IL1RAPL2: variants seen among roughly 807,000 people sequenced by gnomAD.
IL1RAPL2 encodes the protein interleukin 1 receptor accessory protein like 2.
In IL1RAPL2, 3 loss-of-function variants were observed where a neutral mutation model predicts 44.1. The ratio of observed to expected loss-of-function variants is 0.07; its 90% CI spans 0.03 to 0.18. The LOEUF (loss-of-function observed/expected upper bound fraction) is 0.18. IL1RAPL2 is among the 10% of genes least tolerant of loss of function. The probability of loss-of-function intolerance (pLI) is 1.00; values close to 1 mark genes in which losing one functional copy is unlikely to be tolerated. For missense variants in IL1RAPL2, 391 were observed against 496.4 expected (o/e 0.79, Z 2.02); for synonymous variants, 181 against 178.8 (o/e 1.01, Z -0.10).
chrX:105,040,522 T>C (rs991441279), intron 2 of IL1RAPL2, among the ~76,000 whole-genome samples: 1 of 110,786 alleles, frequency 9.0e-6, no homozygotes, highest in South Asian at 3.8e-4. Flanking sequence ...GGACTCCTTT[T>C]GGTTGGTAAG....
intron 4 of IL1RAPL2, among the ~76,000 whole-genome samples, chrX:105,255,936 T>C (rs1366072703): frequency 3.6e-5 from 4 of 112,564 alleles, no homozygotes; most frequent in Non-Finnish European, 1.9e-5. Flanking sequence ...TTTAGTTCTG[T>C]TTATGTGATG....
chrX:104,673,237 C>A (rs148576601), intron 2 of IL1RAPL2, among the ~76,000 whole-genome samples: 1 of 111,512 alleles, frequency 9.0e-6, no homozygotes, highest in Non-Finnish European at 1.9e-5. Context: ...TTAGGTCTAA[C>A]GTTTAAGTCT....
At chrX:105,670,629 T>A (rs2147852755) in intron 6 of IL1RAPL2, among the ~76,000 whole-genome samples, 1 of 108,030 alleles carries the variant, frequency 9.3e-6, no homozygotes, top group South Asian at 3.9e-4. Flanking sequence ...AAAAAAAATC[T>A]AACTGGAATG....
intron 8 of IL1RAPL2, among the ~76,000 whole-genome samples, chrX:105,741,143 A>T (rs1205941117): frequency 8.9e-6 from 1 of 112,049 alleles, no homozygotes; most frequent in Admixed American, 9.5e-5. Flanking sequence ...TTATCATAAA[A>T]ATTATAAACC....
intron 5 of IL1RAPL2, among the ~76,000 whole-genome samples, chrX:105,372,850 G>A (rs1040051001): frequency 8.9e-6 from 1 of 111,873 alleles, no homozygotes; most frequent in African/African-American, 3.2e-5. Flanking sequence ...TGATATATAT[G>A]TACCATAATA....
intron 2 of IL1RAPL2, among the ~76,000 whole-genome samples, chrX:104,961,435 A>G (rs1357407379): frequency 9.0e-6 from 1 of 111,494 alleles, no homozygotes; most frequent in Non-Finnish European, 1.9e-5. Context: ...GTGAAATGAT[A>G]TCTGTTTTTC....
intron 6 of IL1RAPL2, among the ~76,000 whole-genome samples, chrX:105,665,865 C>T (rs1220356475): frequency 1.9e-5 from 2 of 106,635 alleles, no homozygotes; most frequent in African/African-American, 3.4e-5. Flanking sequence ...TGAGTTCATG[C>T]CATTCTCCTG....
intron 10 of IL1RAPL2, among the ~76,000 whole-genome samples, chrX:105,757,776 C>T (rs1602558541): frequency 1.8e-5 from 2 of 111,534 alleles, no homozygotes; most frequent in South Asian, 3.8e-4. Flanking sequence ...TTCCGATTTG[C>T]GAGTGTAACC....
intron 3 of IL1RAPL2, among the ~76,000 whole-genome samples, chrX:105,204,540 G>A (rs782360109): frequency 9.0e-6 from 1 of 111,729 alleles, no homozygotes. Flanking sequence ...TCACTATGGC[G>A]AACCCAAGAG....
In IL1RAPL2 at chrX:104,675,671, T is replaced by G. The variant is rs1303776690; in HGVS notation, c.82+16676T>G. On this transcript the variant is annotated intron_variant, in intron 2 of 10. Transcript: ENST00000372582. ...GGTATCCTTGTTGACTTTCTGTCTC[T>G]TTGATCTGTCTAATGTTGACAGTGG... Among the ~76,000 whole-genome samples, 603 of 110,413 alleles carry G rather than the reference T, an allele frequency of 5.5e-3. 3 individuals are homozygous for G. The highest frequency in any genetic ancestry group is 0.016 in the African/African-American group (488 of 30,080).
At chrX:105,506,947 C>G (rs1304869547) in intron 6 of IL1RAPL2, among the ~76,000 whole-genome samples, 1 of 111,842 alleles carries the variant, frequency 8.9e-6, no homozygotes, top group Non-Finnish European at 1.9e-5. Flanking sequence ...TTTCTGCTCC[C>G]TCTTTATGTA....
intron 2 of IL1RAPL2, among the ~76,000 whole-genome samples, chrX:105,004,304 C>T (rs1383296524): frequency 2.7e-5 from 3 of 110,652 alleles, no homozygotes; most frequent in Non-Finnish European, 3.8e-5. Flanking sequence ...AATGCTTTGA[C>T]AGGAAGAGGT....
intron 2 of IL1RAPL2, among the ~76,000 whole-genome samples, chrX:104,940,848 G>C (rs191980825): frequency 2.8e-5 from 3 of 106,327 alleles, no homozygotes; most frequent in Non-Finnish European, 3.9e-5. Context: ...ATTTACATTA[G>C]GTATATCTCC....
At chrX:104,890,893 T>G (rs1489790926) in intron 2 of IL1RAPL2, among the ~76,000 whole-genome samples, 2 of 111,910 alleles carry the variant, frequency 1.8e-5, no homozygotes, top group Non-Finnish European at 3.8e-5. Context: ...TCCTGAATGG[T>G]ATTGCCTAAG....
intron 2 of IL1RAPL2, among the ~76,000 whole-genome samples, chrX:105,184,678 G>A (rs1040620758): frequency 9.1e-6 from 1 of 109,652 alleles, no homozygotes; most frequent in African/African-American, 3.3e-5. Context: ...GTAGTATTAT[G>A]TAAAATGAAT....
At position 105,492,315 on chromosome X, in the gene IL1RAPL2, A is replaced by G. The variant is rs1477031858; in HGVS notation, c.772+7928A>G. ...TTCAACAAGATCTGTTTCACTCCGA[A>G]GTTTTTTCTTTTTATTATAGCACAC... On this transcript the variant is annotated intron_variant, in intron 6 of 10. Coordinates refer to ENST00000372582, the MANE Select transcript of IL1RAPL2 (RefSeq NM_017416.2). 6.3e-5 allele frequency among the ~76,000 whole-genome samples: 7 copies of G among 110,682 alleles called. No individual in the cohort carries two copies. In the Admixed American group the frequency reaches 6.8e-4, roughly 11 times the overall value.
At chrX:105,033,150 A>T (rs760634788) in intron 2 of IL1RAPL2, among the ~76,000 whole-genome samples, 3 of 111,665 alleles carry the variant, frequency 2.7e-5, no homozygotes, top group African/African-American at 9.8e-5. Context: ...TGAATACAGC[A>T]TACTGATGGG....
Position 105,356,659 on chromosome X carries a change from G to T in IL1RAPL2, c.697+89118G>T, listed in dbSNP as rs751238333. Among the ~76,000 whole-genome samples, 7 of 112,269 alleles carry T rather than the reference G, an allele frequency of 6.2e-5. No individual in the cohort carries two copies. The East Asian group carries it at 2.0e-3, about 32-fold the overall frequency. On this transcript the variant is annotated intron_variant, in intron 5 of 10. Coordinates refer to ENST00000372582, the MANE Select transcript of IL1RAPL2 (RefSeq NM_017416.2). ...TTACCTGCTGAGACCATTTGGATTT[G>T]TTGAGTCCAGTGCAAACTGAAACAG...
At position 105,742,620 on chromosome X, in the gene IL1RAPL2, T is replaced by A. The variant is rs892615377; in HGVS notation, c.1048+1929T>A. 2.1e-4 allele frequency among the ~76,000 whole-genome samples: 23 copies of A among 111,482 alleles called. No individual in the cohort carries two copies. The Admixed American group carries it at 2.2e-3, about 11-fold the overall frequency. ...TGTTAACTGACAATGTTAATTCTCA[T>A]CTTCCAAATATTTAAATATTGGAGT... On this transcript the variant is annotated intron_variant, in intron 8 of 10. Coordinates refer to ENST00000372582, the MANE Select transcript of IL1RAPL2 (RefSeq NM_017416.2).
Sources: gnomAD v4.1 joint callset for allele counts (sites outside exome capture counted in the v4.1 genomes callset) on GRCh38, gnomAD v4.1.1 for gene constraint, MANE v1.5 for transcripts, NCBI Gene and HGNC (gene_info 2026-07-23, HGNC 2026-07-21) for gene names.